The following PTPN6 variants were observed in gnomAD, a reference collection of about 807,000 sequenced individuals.
PTPN6 encodes the protein tyrosine-protein phosphatase non-receptor type 6.
Under a neutral mutation model 81.5 loss-of-function variants are expected in PTPN6, and 18 were observed. That is an observed-to-expected ratio of 0.22 (90% CI 0.15 to 0.33). The LOEUF is 0.33. PTPN6 is among the 10% of genes least tolerant of loss of function. PTPN6 has a pLI of 1.00. For synonymous variants in PTPN6, 301 were observed against 310.9 expected (o/e 0.97, Z 0.33); for missense variants, 500 against 794.2 (o/e 0.63, Z 4.45).
rs1555149710 is a variant in PTPN6, at chr12:6,960,570, T to C, written c.1673+135T>C. On this transcript the variant is annotated intron_variant, in intron 14 of 15. Transcript: ENST00000318974. The surrounding 1 kb of genome is among the most constrained non-coding windows in gnomAD (Gnocchi z 6.1). Reference sequence around the variant, plus strand: ...GTTCAGGCTTGGTTCTCACCCCTTCTGTTCATAAGCATTTCCTGAGTGCCC... The same window carrying C: ...GTTCAGGCTTGGTTCTCACCCCTTCCGTTCATAAGCATTTCCTGAGTGCCC... The C allele has an allele frequency of 7.0e-7, 1 of 1,430,370 alleles. No individual in the cohort carries two copies. The highest frequency in any genetic ancestry group is 1.4e-5 in the African/African-American group (1 of 70,460). The allele number at this position is 1,430,370 out of a possible 1,614,324, so 88.6% of individuals were successfully genotyped here. A position where few individuals can be genotyped will look rare whatever the true frequency, so the allele number is the denominator to read the frequency against.
upstream of PTPN6, chr12:6,951,225 TC>T: frequency 7.0e-7 from 1 of 1,420,148 alleles, no homozygotes. This position sits in a 1 kb window ranked among gnomAD's most constrained non-coding sequence, Gnocchi z 7.2. Context: ...GTGGGCCCCG[TC>T]CCCACCCCCA....
At chr12:6,951,281 G>T, upstream of PTPN6, 2 of 1,449,734 alleles carry the variant, frequency 1.4e-6, no homozygotes, top group Non-Finnish European at 1.8e-6. This position sits in a 1 kb window ranked among gnomAD's most constrained non-coding sequence, Gnocchi z 7.2. Flanking sequence ...GCTCTAAAAC[G>T]AGAAGTACAA....
At position 6,957,627 on chromosome 12, in the gene PTPN6, C is replaced by A; in HGVS notation, c.1075-27C>A. 2 of 1,608,968 alleles carry A rather than the reference C, an allele frequency of 1.2e-6. No individual in the cohort carries two copies. The highest frequency in any genetic ancestry group is 2.2e-5 in the East Asian group (1 of 44,790). On this transcript the variant is annotated intron_variant, in intron 9 of 15. Transcript: ENST00000318974. This position sits in a 1 kb window ranked among gnomAD's most constrained non-coding sequence, Gnocchi z 6.5. ...GGCCACAGTGCCCTGCTCTGTGCCT[C>A]ATCCCCACCCGACCCTCCCTTTCCA...
chr12:6,960,225 C>T lies in PTPN6; in HGVS notation c.1567C>T (p.Leu523=). The change falls in exon 13 of 16, where the codon CTG becomes TTG. Residue 523 remains leucine, a synonymous_variant. Coordinates refer to ENST00000318974, the MANE Select transcript of PTPN6 (RefSeq NM_002831.6). The surrounding 1 kb of genome is among the most constrained non-coding windows in gnomAD (Gnocchi z 6.1). ...GTTCATTGAAACCACTAAGAAGAAG[C>T]TGGAGGTCCTGCAGGTGCGTGCAGA... is the stretch of plus-strand genomic sequence containing the variant. The part of the protein sequence containing the change: ...AQFIETTKKK[L]EVLQSQKGQE... The T allele has an allele frequency of 1.3e-6, 2 of 1,588,648 alleles. No individual in the cohort carries two copies. Among genetic ancestry groups the T allele is most frequent in the Non-Finnish European group, 1.7e-6 (2 of 1,171,432 alleles).
In PTPN6 at chr12:6,952,237, A is replaced by T. The variant is rs1555147906; in HGVS notation, c.326+60A>T. ...GGATGAGCCGGCTCCCACCCTGAAC[A>T]GCCAGGGAGGCAGGGAGACTGGCAG... On this transcript the variant is annotated intron_variant, in intron 3 of 15. Coordinates refer to ENST00000318974, the MANE Select transcript of PTPN6 (RefSeq NM_002831.6). This position sits in a 1 kb window ranked among gnomAD's most constrained non-coding sequence, Gnocchi z 8.1. The T allele has an allele frequency of 7.5e-6, 12 of 1,592,132 alleles. No homozygotes were observed. The Admixed American group carries it at 2.0e-4, about 27-fold the overall frequency.
chr12:6,957,797 C>A lies in PTPN6; in HGVS notation c.1206+12C>A, dbSNP rs781894398. ...CCCCGCTGGACAATGTGAGTGGCCCCCACGCCCTGCCCCATTCCGGGAGTC... is the reference window on the plus strand; with the variant it reads ...CCCCGCTGGACAATGTGAGTGGCCCACACGCCCTGCCCCATTCCGGGAGTC... On this transcript the variant is annotated intron_variant, in intron 10 of 15. Transcript: ENST00000318974. This position sits in a 1 kb window ranked among gnomAD's most constrained non-coding sequence, Gnocchi z 6.5. 5.0e-6 allele frequency: 8 copies of A among 1,614,108 alleles called. No individual in the cohort carries two copies. In the South Asian group the frequency reaches 7.7e-5, roughly 16 times the overall value.
rs1555149856 is a variant in PTPN6 at position 6,960,894 on chromosome 12, A to G, written c.1762A>G (p.Ser588Gly). 1.3e-6 allele frequency: 2 copies of G among 1,575,658 alleles called. No individual in the cohort carries two copies. Among genetic ancestry groups the G allele is most frequent in the Non-Finnish European group, 8.6e-7 (1 of 1,160,112 alleles). ...KKQRSADKEKSKGSLKRK is the reference protein window; with the variant it reads ...KKQRSADKEKGKGSLKRK ...GCAGCGGTCAGCAGACAAGGAGAAG[A>G]GCAAGGGTTCCCTCAAGAGGAAGTG... is the stretch of plus-strand genomic sequence containing the variant. The change falls in exon 15 of 16, where the codon AGC becomes GGC. Residue 588 changes from serine to glycine, a missense_variant. Coordinates refer to ENST00000318974, the MANE Select transcript of PTPN6 (RefSeq NM_002831.6). This position sits in a 1 kb window ranked among gnomAD's most constrained non-coding sequence, Gnocchi z 6.1.
At chr12:6,958,953 T>C (rs782704882) in intron 11 of PTPN6, among the ~76,000 whole-genome samples, 1 of 152,372 alleles carries the variant, frequency 6.6e-6, no homozygotes, top group East Asian at 1.9e-4. Context: ...GCGCTGTTAC[T>C]AGTTTAGTAA....
chr12:6,950,842 C>A (rs1358726542), upstream of PTPN6, among the ~76,000 whole-genome samples: 4 of 152,148 alleles, frequency 2.6e-5, no homozygotes, highest in African/African-American at 2.4e-5. Context: ...TGGACTCAGG[C>A]AATGCCTTAA....
chr12:6,946,773 C>T (rs1555146871), upstream of PTPN6: 11 of 1,601,110 alleles, frequency 6.9e-6, no homozygotes, highest in African/African-American at 2.7e-5. Flanking sequence ...TCCCAGTCTC[C>T]TGTTAGTTTT....
chr12:6,959,462 G>A lies in PTPN6; in HGVS notation c.1362-465G>A, dbSNP rs781815834. The A allele has an allele frequency of 1.0e-4, 26 of 258,282 alleles. No individual in the cohort carries two copies. The highest frequency in any genetic ancestry group is 7.1e-4 in the Admixed American group (14 of 19,608). The allele number at this position is 258,282 out of a possible 1,614,324, so 16.0% of individuals were successfully genotyped here. ...CTGAGTCCCCTGACCCTGTGCCCCC[G>A]CACCCTGCTGTCTCAGGGCTATCCT... On this transcript the variant is annotated intron_variant, in intron 11 of 15. Transcript: ENST00000318974. This position sits in a 1 kb window ranked among gnomAD's most constrained non-coding sequence, Gnocchi z 6.6.
rs782200603 is a variant in PTPN6 at position 6,957,064 on chromosome 12, A to C, written c.1074+496A>C. 1.3e-4 allele frequency among the ~76,000 whole-genome samples: 20 copies of C among 152,206 alleles called. No homozygotes were observed. The highest frequency in any genetic ancestry group is 2.6e-4 in the Non-Finnish European group (18 of 68,012). On this transcript the variant is annotated intron_variant, in intron 9 of 15. Coordinates refer to ENST00000318974, the MANE Select transcript of PTPN6 (RefSeq NM_002831.6). The surrounding 1 kb of genome is among the most constrained non-coding windows in gnomAD (Gnocchi z 6.5). ...GTCTGGTGGCTTCCCTCTGACCCGC[A>C]CGCTTCTCTTGAAGGCTCACCGCCC...
chr12:6,949,100 G>A (rs782752694), upstream of PTPN6, among the ~76,000 whole-genome samples: 4 of 152,240 alleles, frequency 2.6e-5, no homozygotes, highest in Admixed American at 2.0e-4. Context: ...CGGCCCCACC[G>A]ATGGGGTTCC....
chr12:6,957,875 GT>G lies in PTPN6; in HGVS notation c.1207-42del. 2.5e-6 allele frequency: 4 copies of G among 1,614,022 alleles called. No homozygotes were observed. The highest frequency in any genetic ancestry group is 3.4e-6 in the Non-Finnish European group (4 of 1,180,008). On this transcript the variant is annotated intron_variant, in intron 10 of 15. Transcript: ENST00000318974. This position sits in a 1 kb window ranked among gnomAD's most constrained non-coding sequence, Gnocchi z 6.5. ...TCGGGTAGGGTGAGATGGATGAGGT[GT>G]TCCGAGAGAGGAGGGGGCACTGACC...
rs1945998385 is a variant in PTPN6 at position 6,954,937 on chromosome 12, G to A, written c.459G>A (p.Gln153=). 6.2e-7 allele frequency: 1 copy of A among 1,614,216 alleles called. No individual in the cohort carries two copies. ...GDFVLSVLSD[Q]PKAGPGSPLR... ...TCGTGCTTTCTGTGCTCAGTGACCA[G>A]CCCAAGGCTGGCCCAGGCTCCCCGC... is the stretch of plus-strand genomic sequence containing the variant. The change falls in exon 4 of 16, where the codon CAG becomes CAA. Residue 153 remains glutamine (Q), a synonymous_variant. Transcript: ENST00000318974. This position sits in a 1 kb window ranked among gnomAD's most constrained non-coding sequence, Gnocchi z 5.4.
chr12:6,958,344 G>A (rs1565584099), intron 11 of PTPN6, among the ~76,000 whole-genome samples: 1 of 152,316 alleles, frequency 6.6e-6, no homozygotes. Context: ...CAGAGGAGGA[G>A]CCCGGGACCC....
chr12:6,951,346 GC>G, upstream of PTPN6: 1 of 1,525,706 alleles, frequency 6.6e-7, no homozygotes. This position sits in a 1 kb window ranked among gnomAD's most constrained non-coding sequence, Gnocchi z 7.2. Flanking sequence ...CCTGCCGGCT[GC>G]CCCAGGCCAG....
At chr12:6,948,449 A>G (rs1254255735), upstream of PTPN6, among the ~76,000 whole-genome samples, 7 of 150,914 alleles carry the variant, frequency 4.6e-5, no homozygotes, top group Non-Finnish European at 7.4e-5. Flanking sequence ...AAAAAAAAAA[A>G]AGAGAGGGAA....
upstream of PTPN6, chr12:6,946,817 G>A (rs1945827747): frequency 2.1e-6 from 3 of 1,431,754 alleles, no homozygotes; most frequent in South Asian, 1.2e-5. Context: ...TGCTCACTCC[G>A]ACGTGTGTGA....
Sources: allele counts gnomAD v4.1 joint callset (sites outside exome capture counted in the v4.1 genomes callset), GRCh38; gene constraint gnomAD v4.1.1; non-coding constraint Gnocchi (gnomAD v3.1); transcripts MANE v1.5; gene names NCBI Gene and HGNC (gene_info 2026-07-23, HGNC 2026-07-21).